EIF3H: variants seen among roughly 807,000 people sequenced by gnomAD.
EIF3H encodes eIF-3-gamma.
Under a neutral mutation model 44.2 loss-of-function variants are expected in EIF3H, and 26 were observed. The ratio of observed to expected loss-of-function variants is 0.59; its 90% CI spans 0.43 to 0.82. EIF3H has a LOEUF of 0.82. Among genes scored for constraint, EIF3H ranks in the 40% least tolerant of loss-of-function variants. The pLI is 0.00. For synonymous variants in EIF3H, 166 were observed against 151.9 expected, an observed-to-expected ratio of 1.09 and a Z score of -0.68; for missense variants, 359 against 432.8, an observed-to-expected ratio of 0.83 and a Z score of 1.51.
At chr8:116,668,245 A>C (rs1563637260) in intron 2 of EIF3H, among the ~76,000 whole-genome samples, 1 of 152,222 alleles carries the variant, frequency 6.6e-6, no homozygotes, top group Non-Finnish European at 1.5e-5. Context: ...GCAGAATATA[A>C]AACTATAAAA....
intron 2 of EIF3H, among the ~76,000 whole-genome samples, chr8:116,688,712 A>C (rs1438291486): frequency 1.1e-5 from 1 of 92,230 alleles, no homozygotes; most frequent in East Asian, 2.4e-4. Flanking sequence ...TAATGGTTAC[A>C]TAGATATTTG....
At chr8:116,732,318 T>C (rs1453393754) in intron 1 of EIF3H, among the ~76,000 whole-genome samples, 2 of 152,090 alleles carry the variant, frequency 1.3e-5, no homozygotes, top group Admixed American at 6.5e-5. Flanking sequence ...TAGGGTAAAA[T>C]ATAAATACCA....
intron 1 of EIF3H, among the ~76,000 whole-genome samples, chr8:116,741,539 A>C (rs1815133440): frequency 6.6e-6 from 1 of 152,226 alleles, no homozygotes; most frequent in Non-Finnish European, 1.5e-5. Flanking sequence ...AGTCTGAAAT[A>C]AAAAAGACAA....
intron 2 of EIF3H, among the ~76,000 whole-genome samples, chr8:116,711,588 T>C (rs895733401): frequency 1.3e-5 from 2 of 151,996 alleles, no homozygotes; most frequent in Non-Finnish European, 1.5e-5. Context: ...ACTTCTAATA[T>C]GACAAAGAAA....
chr8:116,704,449 C>T (rs1814434150), intron 2 of EIF3H, among the ~76,000 whole-genome samples: 1 of 152,204 alleles, frequency 6.6e-6, no homozygotes, highest in African/African-American at 2.4e-5. Context: ...TGCCACTCTG[C>T]TCACTTCTAA....
chr8:116,746,404 A>G (rs1023858873), intron 1 of EIF3H, among the ~76,000 whole-genome samples: 1 of 152,230 alleles, frequency 6.6e-6, no homozygotes, highest in Non-Finnish European at 1.5e-5. Flanking sequence ...TTCCTATATC[A>G]AAGAGTTGTT....
intron 2 of EIF3H, among the ~76,000 whole-genome samples, chr8:116,704,880 T>C (rs569701292): frequency 1.3e-5 from 2 of 152,318 alleles, no homozygotes; most frequent in East Asian, 1.9e-4. Flanking sequence ...TTGTATGCAA[T>C]GTGTAGCTCT....
chr8:116,665,796 T>C (rs1813655744), intron 2 of EIF3H, among the ~76,000 whole-genome samples: 1 of 152,262 alleles, frequency 6.6e-6, no homozygotes, highest in Non-Finnish European at 1.5e-5. Context: ...TTCCTCTTCA[T>C]ATCAGACTTT....
chr8:116,681,612 G>A (rs1336018307), intron 2 of EIF3H, among the ~76,000 whole-genome samples: 1 of 147,662 alleles, frequency 6.8e-6, no homozygotes, highest in Non-Finnish European at 1.5e-5. Context: ...GTTGTAGTGA[G>A]CCGAGATCGA....
intron 5 of EIF3H, among the ~76,000 whole-genome samples, chr8:116,651,779 G>A (rs1227748573): frequency 6.6e-6 from 1 of 152,100 alleles, no homozygotes; most frequent in Non-Finnish European, 1.5e-5. Context: ...ATTAGAATTG[G>A]GCAAGACTGA....
chr8:116,703,492 C>T (rs7838174), intron 2 of EIF3H, among the ~76,000 whole-genome samples: 28,368 of 152,238 alleles, frequency 0.19, 4,190 homozygotes, highest in African/African-American at 0.41. Context: ...GGTCACGCTC[C>T]CGGTCCACTT....
chr8:116,648,009 G>GA (rs1346438091), intron 6 of EIF3H, among the ~76,000 whole-genome samples: 1 of 151,902 alleles, frequency 6.6e-6, no homozygotes, highest in East Asian at 1.9e-4. Flanking sequence ...ACTATATACT[G>GA]AAAATGAACT....
intron 6 of EIF3H, 135 bp from the exon 7 acceptor site, chr8:116,646,738 G>C (rs972642416): frequency 3.2e-6 from 4 of 1,231,130 alleles, no homozygotes; most frequent in Non-Finnish European, 4.5e-6. Flanking sequence ...GGCAACATTT[G>C]GTAACTTGCG....
chr8:116,743,787 T>TAC (rs1481019306), intron 1 of EIF3H, among the ~76,000 whole-genome samples: 1 of 91,180 alleles, frequency 1.1e-5, no homozygotes, highest in Non-Finnish European at 2.1e-5. Context: ...TATATATATA[T>TAC]ATATATATAT....
chr8:116,716,282 T>G (rs1362537830), intron 2 of EIF3H, among the ~76,000 whole-genome samples: 2 of 152,090 alleles, frequency 1.3e-5, no homozygotes, highest in Non-Finnish European at 2.9e-5. Context: ...CCAGGTTTTT[T>G]GGCCTCATAC....
In EIF3H at chr8:116,752,833, G is replaced by A. The variant is rs554416796; in HGVS notation, c.132+2833C>T. Among the ~76,000 whole-genome samples, 751 of 141,430 alleles carry A rather than the reference G, an allele frequency of 5.3e-3. 57 individuals carry two copies. Among genetic ancestry groups the A allele is most frequent in the African/African-American group, 0.021 (723 of 34,400 alleles). 92.8% of individuals were successfully genotyped at this position (141,430 alleles called of 152,430 possible). On this transcript the variant is annotated intron_variant, in intron 1 of 7. Transcript: ENST00000521861. ...GGAAGGAAGGAAGGAAGGAAGGAAA[G>A]AGAGAGAGAAAAGAAAAGAAAAAAG...
rs1814831050 is a variant in EIF3H, at chr8:116,726,057, G to A, written c.248C>T (p.Pro83Leu). 2 of 1,613,920 alleles carry A rather than the reference G, an allele frequency of 1.2e-6. No homozygotes were observed. Among genetic ancestry groups the A allele is most frequent in the African/African-American group, 1.3e-5 (1 of 74,908 alleles). ...EDRLEITNCF[P>L]FPQHTEDDAD... ...ATCATCCTCTGTGTGCTGAGGGAAAGGAAAGCAGTTGGTAATTTCAAGCCG... is the reference window on the plus strand; with the variant it reads ...ATCATCCTCTGTGTGCTGAGGGAAAAGAAAGCAGTTGGTAATTTCAAGCCG... Residue 83 changes from proline (P) to leucine (L), a missense_variant, in exon 2 of 8, where the codon CCT becomes CTT. Around this residue, in one of 5 missense-constraint regions of EIF3H, gnomAD observed 91 missense variants for 164.6 expected, o/e 0.55. Coordinates refer to ENST00000521861, the MANE Select transcript of EIF3H (RefSeq NM_003756.3).
chr8:116,657,288 G>C lies in EIF3H; in HGVS notation c.484C>G (p.Leu162Val). The C allele has an allele frequency of 6.2e-7, 1 of 1,613,646 alleles. No individual in the cohort carries two copies. Among genetic ancestry groups the C allele is most frequent in the Non-Finnish European group, 8.5e-7 (1 of 1,179,648 alleles). The change falls in exon 4 of 8, where the codon CTC becomes GTC. Residue 162 changes from leucine (L) to valine (V), a missense_variant. Around this residue, in one of 5 missense-constraint regions of EIF3H, gnomAD observed 85 missense variants for 79.2 expected, o/e 1.07. Transcript: ENST00000521861. ...YDPIKTAQGSLSLKAYRLTPK... is the reference protein window; with the variant it reads ...YDPIKTAQGSVSLKAYRLTPK... ...GTCAGTCTGTATGCCTTTAGTGAGA[G>C]AGATCCTTGGGCAGTTTTTATGGGA...
chr8:116,717,065 A>G (rs1300634340), intron 2 of EIF3H, among the ~76,000 whole-genome samples: 1 of 152,168 alleles, frequency 6.6e-6, no homozygotes, highest in Non-Finnish European at 1.5e-5. Flanking sequence ...ATTTTTAAAA[A>G]TCAACATACA....
Sources: allele counts gnomAD v4.1 joint callset (sites outside exome capture counted in the v4.1 genomes callset), GRCh38; gene constraint gnomAD v4.1.1; regional missense constraint gnomAD v4.1.1; transcripts MANE v1.5; gene names NCBI Gene and HGNC (gene_info 2026-07-23, HGNC 2026-07-21).